The following ELP1 variants were observed in gnomAD, a reference collection of about 807,000 sequenced individuals.
ELP1 encodes the protein elongator acetyltransferase complex subunit 1.
Under a neutral mutation model 183.2 loss-of-function variants are expected in ELP1, and 131 were observed. The ratio of observed to expected loss-of-function variants is 0.72; its 90% CI spans 0.62 to 0.83. ELP1 has a LOEUF of 0.83. Among genes scored for constraint, ELP1 ranks in the 40% least tolerant of loss-of-function variants. ELP1 has a pLI of 0.00. For synonymous variants in ELP1, 555 were observed against 569.0 expected (o/e 0.98, Z 0.35); for missense variants, 1,550 against 1,594.9 (o/e 0.97, Z 0.48).
In ELP1 at chr9:108,931,186, G is replaced by A; in HGVS notation, c.-40C>T. On this transcript the variant is annotated 5_prime_UTR_variant, in exon 2 of 37. An upstream open reading frame in the 5' UTR gains an earlier in-frame stop. Coordinates refer to ENST00000374647, the MANE Select transcript of ELP1 (RefSeq NM_003640.5). The stretch of plus-strand genomic sequence containing the variant: ...CACGAGACAAGTACAACTATCCCTT[G>A]ATGAATCATTAATCTCTAAGAGAAA... The A allele has an allele frequency of 6.3e-7, 1 of 1,587,254 alleles. No individual in the cohort carries two copies. Among genetic ancestry groups the A allele is most frequent in the Non-Finnish European group, 8.7e-7 (1 of 1,155,668 alleles).
Position 108,870,969 on chromosome 9 carries a change from A to ATTTTTT in ELP1, c.3932-1793_3932-1788dup, listed in dbSNP as rs33952302. The stretch of plus-strand genomic sequence containing the variant: ...CCTATCTTGAAATCCTTCATGCACC[A>ATTTTTT]TTTTTTTTTTTTTTTTTTTTTTTTG... On this transcript the variant is annotated intron_variant, in intron 36 of 36. Coordinates refer to ENST00000374647, the MANE Select transcript of ELP1 (RefSeq NM_003640.5). 1.4e-3 allele frequency among the ~76,000 whole-genome samples: 119 copies of ATTTTTT among 83,554 alleles called. 3 individuals are homozygous for ATTTTTT. Among genetic ancestry groups the ATTTTTT allele is most frequent in the Non-Finnish European group, 1.6e-3 (73 of 45,548 alleles). The allele number at this position is 83,554 out of a possible 152,430, so 54.8% of individuals were successfully genotyped here.
At chr9:108,931,840 G>C (rs569582069) in intron 1 of ELP1, among the ~76,000 whole-genome samples, 1 of 152,326 alleles carries the variant, frequency 6.6e-6, no homozygotes, top group East Asian at 1.9e-4. Context: ...ACTACTTCCA[G>C]TAACTTTGTT....
In ELP1 at chr9:108,868,864, G is replaced by A; in HGVS notation, c.*251C>T. 1 of 601,932 alleles carries A rather than the reference G, an allele frequency of 1.7e-6. No homozygotes were observed. Among genetic ancestry groups the A allele is most frequent in the South Asian group, 2.0e-5 (1 of 49,436 alleles). 37.3% of individuals were successfully genotyped at this position (601,932 alleles called of 1,614,324 possible). A position where few individuals can be genotyped will look rare whatever the true frequency, so the allele number is the denominator to read the frequency against. On this transcript the variant is annotated 3_prime_UTR_variant, in exon 37 of 37. Transcript: ENST00000374647. Reference sequence around the variant, plus strand: ...ATGCTCTCAAACAGCCCAAGTGAAAGAACAATCATTCTCACAAAATGGTGC... The same window carrying A: ...ATGCTCTCAAACAGCCCAAGTGAAAAAACAATCATTCTCACAAAATGGTGC...
intron 35 of ELP1, chr9:108,875,824 A>G (rs777026837): frequency 3.5e-5 from 11 of 310,878 alleles, no homozygotes; most frequent in African/African-American, 6.6e-5. Flanking sequence ...GGACTGCTTT[A>G]GCCCAGGCAT....
At chr9:108,904,712 T>C (rs1317737263) in intron 14 of ELP1, among the ~76,000 whole-genome samples, 3 of 152,196 alleles carry the variant, frequency 2.0e-5, no homozygotes, top group Non-Finnish European at 4.4e-5. Context: ...TGTAAAATGA[T>C]GGTGCAAATG....
Position 108,879,487 on chromosome 9 carries a change from C to G in ELP1, c.3531G>C (p.Glu1177Asp). 2.5e-6 allele frequency: 4 copies of G among 1,614,176 alleles called. No individual in the cohort carries two copies. Among genetic ancestry groups the G allele is most frequent in the Non-Finnish European group, 3.4e-6 (4 of 1,180,000 alleles). The part of the protein sequence containing the change: ...SETSSVVSGS[E>D]MSGKYSHSNS... Reference sequence around the variant, plus strand: ...TACTATGGGAGTATTTGCCACTCATCTCACTGCCACTCACGACACTGCTAG... The same window carrying G: ...TACTATGGGAGTATTTGCCACTCATGTCACTGCCACTCACGACACTGCTAG... Residue 1177 changes from glutamate (E) to aspartate (D), a missense_variant, in exon 33 of 37, where the codon GAG becomes GAC. Glu to Asp is a conservative substitution (Grantham distance 45). Transcript: ENST00000374647.
Position 108,912,396 on chromosome 9 carries a change from G to C in ELP1, c.1057C>G (p.Pro353Ala), listed in dbSNP as rs780241310. 21 of 1,613,946 alleles carry C rather than the reference G, an allele frequency of 1.3e-5. No individual in the cohort carries two copies. The highest frequency in any genetic ancestry group is 1.8e-5 in the Non-Finnish European group (21 of 1,179,998). Residue 353 changes from proline to alanine, a missense_variant, in exon 11 of 37, where the codon CCT becomes GCT. By Grantham distance (27) the Pro-to-Ala change is conservative. Transcript: ENST00000374647. ...KSKIVSLMWD[P>A]VTPYRLHVLC... ...ACATGCAGCCGGTATGGGGTCACAG[G>C]GTCCCACATCAGAGACACAATCTTG...
At chr9:108,890,649 T>C (rs1200451377) in intron 28 of ELP1, among the ~76,000 whole-genome samples, 1 of 152,166 alleles carries the variant, frequency 6.6e-6, no homozygotes, top group Non-Finnish European at 1.5e-5. Context: ...GCCTTTGCTT[T>C]CAGAATGCTT....
chr9:108,930,327 A>T (rs769621563), intron 2 of ELP1, among the ~76,000 whole-genome samples: 13 of 152,214 alleles, frequency 8.5e-5, no homozygotes, highest in Non-Finnish European at 1.6e-4. Flanking sequence ...TTTTTAAAGT[A>T]CATATAGTTA....
intron 17 of ELP1, 34 bp from the exon 18 acceptor site, chr9:108,901,564 G>A (rs765286722): frequency 6.2e-7 from 1 of 1,610,098 alleles, no homozygotes; most frequent in Non-Finnish European, 8.5e-7. Context: ...ATGGGTGAAA[G>A]CTAGCTAGAT....
Position 108,880,070 on chromosome 9 carries a change from C to T in ELP1, c.3442G>A (p.Ala1148Thr). 6.2e-7 allele frequency: 1 copy of T among 1,613,582 alleles called. No homozygotes were observed. The highest frequency in any genetic ancestry group is 1.3e-5 in the African/African-American group (1 of 75,034). Residue 1148 changes from alanine (A) to threonine (T), a missense_variant, in exon 32 of 37, where the codon GCC (alanine) becomes ACC (threonine). By Grantham distance (58) the Ala-to-Thr change is moderately conservative. Transcript: ENST00000374647. ...TACTCACCCAGACCTGCCTGCTGGG[C>T]TTGCTCCTTGAGCTCTCGAACTACC... ...LLVVRELKEQ[A>T]QQAGLDDEVP...
intron 6 of ELP1, 30 bp from the exon 7 acceptor site, chr9:108,919,379 TG>T: frequency 3.5e-6 from 5 of 1,446,516 alleles, no homozygotes; most frequent in Non-Finnish European, 4.9e-6. Flanking sequence ...CCAATATTAC[TG>T]GGGGACCTTA....
intron 6 of ELP1, among the ~76,000 whole-genome samples, chr9:108,920,390 T>C (rs1010431591): frequency 6.6e-6 from 1 of 152,002 alleles, no homozygotes; most frequent in Non-Finnish European, 1.5e-5. Flanking sequence ...CAAGTGATTC[T>C]ACTACCTTAG....
rs938229047 is a variant in ELP1 at position 108,908,206 on chromosome 9, C to T, written c.1460+99G>A. 2.5e-4 allele frequency: 212 copies of T among 862,932 alleles called. 3 individuals carry two copies. In the East Asian group the frequency reaches 5.3e-3, roughly 22 times the overall value. 53.5% of individuals were successfully genotyped at this position (862,932 alleles called of 1,614,324 possible). On this transcript the variant is annotated intron_variant, in intron 13 of 36. Transcript: ENST00000374647. ...TGGGTGTTGTCTTTATTTCTTGTTCCACTCAGCAACAGGCATAGAACTGTT... is the reference window on the plus strand; with the variant it reads ...TGGGTGTTGTCTTTATTTCTTGTTCTACTCAGCAACAGGCATAGAACTGTT...
Position 108,912,437 on chromosome 9 carries a change from C to T in ELP1, c.1016G>A (p.Ser339Asn), listed in dbSNP as rs1041795228. The T allele has an allele frequency of 2.5e-6, 4 of 1,614,144 alleles. No individual in the cohort carries two copies. The highest frequency in any genetic ancestry group is 3.4e-6 in the Non-Finnish European group (4 of 1,180,012). The change falls in exon 11 of 37, where the codon AGC (serine) becomes AAC (asparagine). Residue 339 changes from serine to asparagine, a missense_variant. Ser to Asn is a conservative substitution (Grantham distance 46, BLOSUM62 1). Coordinates refer to ENST00000374647, the MANE Select transcript of ELP1 (RefSeq NM_003640.5). ...CACAATCTTGCTCTTCCCACAGGTG[C>T]TGAAGGATAAACTTTGCTTGAGATA... The part of the protein sequence containing the change: ...HWYLKQSLSF[S>N]TCGKSKIVSL...
intron 28 of ELP1, chr9:108,889,807 C>T: frequency 4.0e-6 from 1 of 247,554 alleles, no homozygotes; most frequent in South Asian, 5.7e-5. Context: ...ATGAGAGGCA[C>T]AGAGAACCCA....
chr9:108,926,453 A>C, intron 5 of ELP1, 70 bp downstream of exon 5: 269 of 1,036,130 alleles, frequency 2.6e-4, no homozygotes, highest in Non-Finnish European at 3.7e-4. Flanking sequence ...CATGGCTATT[A>C]GTGCACAAGG....
intron 15 of ELP1, among the ~76,000 whole-genome samples, chr9:108,903,254 G>T (rs1461933976): frequency 6.6e-6 from 1 of 151,732 alleles, no homozygotes; most frequent in Non-Finnish European, 1.5e-5. Flanking sequence ...AGGCCCAGGT[G>T]TGTGATGTTC....
intron 36 of ELP1, among the ~76,000 whole-genome samples, chr9:108,869,930 G>T (rs1401770676): frequency 1.3e-5 from 2 of 152,180 alleles, no homozygotes; most frequent in East Asian, 3.9e-4. Flanking sequence ...TGAATGTAGG[G>T]TTATGGGTGC....
Sources: allele counts gnomAD v4.1 joint callset (sites outside exome capture counted in the v4.1 genomes callset), GRCh38; gene constraint gnomAD v4.1.1; transcripts MANE v1.5; gene names NCBI Gene and HGNC (gene_info 2026-07-23, HGNC 2026-07-21).